Variants in CSMD1 observed in about 807,000 individuals in gnomAD.
CSMD1 encodes CUB and Sushi multiple domains 1.
A neutral mutation model predicts 417.5 loss-of-function variants in CSMD1; 213 were observed. That is an observed-to-expected ratio of 0.51 (90% CI 0.46 to 0.57). The LOEUF (loss-of-function observed/expected upper bound fraction) is 0.57, where lower values mean the gene tolerates loss of function less well. Among genes scored for constraint, CSMD1 ranks in the 20% least tolerant of loss-of-function variants. The probability of loss-of-function intolerance (pLI) is 0.00; values close to 1 mark genes in which losing one functional copy is unlikely to be tolerated. For synonymous variants in CSMD1, 2,862 were observed against 1,736.8 expected, an observed-to-expected ratio of 1.65 and a Z score of -16.11; for missense variants, 6,923 against 4,529.7, an observed-to-expected ratio of 1.53 and a Z score of -15.17.
intron 7 of CSMD1, among the ~76,000 whole-genome samples, chr8:3,630,606 G>A (rs1215981689): frequency 6.6e-6 from 1 of 152,206 alleles, no homozygotes; most frequent in African/African-American, 2.4e-5. Flanking sequence ...GAAGGGTGAA[G>A]TGTTGGGCTG....
intron 37 of CSMD1, among the ~76,000 whole-genome samples, chr8:3,163,959 G>A (rs994650524): frequency 2.0e-5 from 3 of 152,302 alleles, no homozygotes; most frequent in African/African-American, 7.2e-5. Flanking sequence ...CATGCGTGTT[G>A]AGCTAACAGT....
chr8:4,699,543 A>G (rs762957093), intron 1 of CSMD1, among the ~76,000 whole-genome samples: 1 of 152,202 alleles, frequency 6.6e-6, no homozygotes, highest in African/African-American at 2.4e-5. Flanking sequence ...CTGTCTTATT[A>G]ACTCTTCTGT....
chr8:3,976,537 G>A (rs1391549758), intron 5 of CSMD1, among the ~76,000 whole-genome samples: 1 of 152,110 alleles, frequency 6.6e-6, no homozygotes, highest in Non-Finnish European at 1.5e-5. Context: ...AATATCACAA[G>A]AGCCTGTGAA....
rs769105796 is a variant in CSMD1, at chr8:3,110,333, G to A, written c.6433C>T (p.Pro2145Ser). 6.9e-6 allele frequency: 11 copies of A among 1,594,984 alleles called. No homozygotes were observed. The South Asian group carries it at 1.0e-4, about 15-fold the overall frequency. ...TGAGAAGTTACGTTGTACCCACAAG[G>A]GGCTGCAAAGGAAACCAAGAAAAAA... Reference protein sequence around the residue: ...WNYPFPRCDAPCGYNVTSQNG... With the variant: ...WNYPFPRCDASCGYNVTSQNG... Residue 2145 changes from proline (P) to serine (S), a missense_variant and splice_region_variant, in exon 43 of 70, where the codon CCT becomes TCT. Pro to Ser is a moderately conservative substitution (Grantham distance 74). Transcript: ENST00000635120.
At chr8:3,492,308 C>G (rs1253168838) in intron 11 of CSMD1, among the ~76,000 whole-genome samples, 1 of 152,134 alleles carries the variant, frequency 6.6e-6, no homozygotes, top group African/African-American at 2.4e-5. Context: ...CTTTTCTCCT[C>G]AGAAGCCGCC....
intron 3 of CSMD1, among the ~76,000 whole-genome samples, chr8:4,188,542 G>T (rs1239214915): frequency 1.3e-5 from 2 of 152,078 alleles, no homozygotes; most frequent in African/African-American, 4.8e-5. Context: ...GCTGTCTTTA[G>T]GAATTCAGGC....
intron 3 of CSMD1, among the ~76,000 whole-genome samples, chr8:4,402,945 G>A (rs1240708154): frequency 6.7e-6 from 1 of 149,688 alleles, no homozygotes; most frequent in Non-Finnish European, 1.5e-5. Context: ...TTAGCCTCCT[G>A]AGTAGCTGGG....
At chr8:4,828,699 C>A (rs1319517570) in intron 1 of CSMD1, among the ~76,000 whole-genome samples, 1 of 152,104 alleles carries the variant, frequency 6.6e-6, no homozygotes, top group African/African-American at 2.4e-5. Flanking sequence ...AAAAGTCAAC[C>A]TGGCATGACT....
At chr8:3,819,919 G>T (rs1250220004) in intron 5 of CSMD1, among the ~76,000 whole-genome samples, 2 of 152,144 alleles carry the variant, frequency 1.3e-5, no homozygotes, top group African/African-American at 2.4e-5. Flanking sequence ...GACTGGACAA[G>T]ACACGCCACA....
chr8:3,936,143 G>C (rs1030897372), intron 5 of CSMD1, among the ~76,000 whole-genome samples: 3 of 147,780 alleles, frequency 2.0e-5, no homozygotes, highest in South Asian at 4.2e-4. Context: ...AGCTGCAGAA[G>C]ATAAATTTGA....
In CSMD1 at chr8:3,665,089, G is replaced by C. The variant is rs11787167; in HGVS notation, c.1009+43325C>G. Among the ~76,000 whole-genome samples, 112 of 152,172 alleles carry C rather than the reference G, an allele frequency of 7.4e-4. 1 individual carries two copies. The highest frequency in any genetic ancestry group is 3.4e-3 in the Middle Eastern group (1 of 294). ...CATTCAAGAAACATCCATAACCTAA[G>C]AGGTTAACAATGCTTATAATAAGAA... On this transcript the variant is annotated intron_variant, in intron 7 of 69. Transcript: ENST00000635120.
Position 4,816,375 on chromosome 8 carries a change from G to A in CSMD1, c.85+177957C>T, listed in dbSNP as rs188964588. 2.7e-3 allele frequency among the ~76,000 whole-genome samples: 413 copies of A among 152,042 alleles called. 2 individuals are homozygous for A. The highest frequency in any genetic ancestry group is 9.0e-3 in the African/African-American group (375 of 41,490). On this transcript the variant is annotated intron_variant, in intron 1 of 69. Transcript: ENST00000635120. ...AATTTTTGAATCTTTAGTACAAAGC[G>A]GGAGATGGGGGGCTGGGGGCACTGT... is the stretch of plus-strand genomic sequence containing the variant.
At chr8:3,770,804 C>T (rs73658247) in intron 5 of CSMD1, among the ~76,000 whole-genome samples, 2 of 152,042 alleles carry the variant, frequency 1.3e-5, no homozygotes, top group Admixed American at 6.6e-5. Context: ...CTCTCTCAAC[C>T]ATTATATATT....
intron 5 of CSMD1, among the ~76,000 whole-genome samples, chr8:3,847,446 G>T (rs1454565047): frequency 6.6e-6 from 1 of 152,022 alleles, no homozygotes; most frequent in Non-Finnish European, 1.5e-5. Flanking sequence ...GCAGTTTTGG[G>T]GTCCTGAGCA....
chr8:4,304,278 A>C, intron 3 of CSMD1, among the ~76,000 whole-genome samples: 1 of 152,220 alleles, frequency 6.6e-6, no homozygotes, highest in East Asian at 1.9e-4. Flanking sequence ...ATATTTTATT[A>C]ACGGGTAACA....
intron 4 of CSMD1, among the ~76,000 whole-genome samples, chr8:4,009,532 A>G (rs1019672077): frequency 2.0e-5 from 3 of 152,226 alleles, no homozygotes; most frequent in African/African-American, 7.2e-5. Context: ...GTGAATTTCT[A>G]AGTCATGATG....
intron 2 of CSMD1, among the ~76,000 whole-genome samples, chr8:4,475,264 C>T (rs961277845): frequency 7.2e-5 from 11 of 152,132 alleles, no homozygotes; most frequent in Non-Finnish European, 1.6e-4. Flanking sequence ...TCTCTCACTC[C>T]ATTTCTATAT....
intron 2 of CSMD1, among the ~76,000 whole-genome samples, chr8:4,495,690 TG>T (rs1801946544): frequency 6.6e-6 from 1 of 152,206 alleles, no homozygotes; most frequent in African/African-American, 2.4e-5. Flanking sequence ...TCAAATTATC[TG>T]GCCCAAGAAA....
intron 2 of CSMD1, among the ~76,000 whole-genome samples, chr8:4,442,017 G>A (rs904318790): frequency 1.3e-5 from 2 of 152,066 alleles, no homozygotes; most frequent in African/African-American, 4.8e-5. Flanking sequence ...TCATTTCTAT[G>A]TCCCCCCGCT....
Sources: allele counts gnomAD v4.1 joint callset (sites outside exome capture counted in the v4.1 genomes callset), GRCh38; gene constraint gnomAD v4.1.1; transcripts MANE v1.5; gene names NCBI Gene and HGNC (gene_info 2026-07-23, HGNC 2026-07-21).